LAMA2: variants seen among roughly 807,000 people sequenced by gnomAD.
LAMA2 encodes laminin subunit alpha-2.
LAMA2 carries 269 observed loss-of-function variants against 364.8 expected under a neutral mutation model. That is an observed-to-expected ratio of 0.74 (90% CI 0.67 to 0.82). LAMA2 has a LOEUF of 0.82. Among genes scored for constraint, LAMA2 ranks in the 40% least tolerant of loss-of-function variants. The pLI, the probability that LAMA2 is intolerant of heterozygous loss-of-function variation, is 0.00. For synonymous variants in LAMA2, 1,379 were observed against 1,370.6 expected (o/e 1.01, Z -0.14); for missense variants, 3,807 against 3,873.2 (o/e 0.98, Z 0.45).
chr6:129,186,994 A>G (rs1408448898), intron 10 of LAMA2, among the ~76,000 whole-genome samples: 1 of 151,996 alleles, frequency 6.6e-6, no homozygotes, highest in Non-Finnish European at 1.5e-5. Context: ...AGCAACGATA[A>G]GAAATAATGA....
intron 32 of LAMA2, among the ~76,000 whole-genome samples, chr6:129,359,595 G>T (rs1468024852): frequency 7.7e-6 from 1 of 129,928 alleles, no homozygotes; most frequent in Non-Finnish European, 1.7e-5. Flanking sequence ...TTCAGATCCA[G>T]GGAACCGTCA....
intron 10 of LAMA2, among the ~76,000 whole-genome samples, chr6:129,184,314 G>A (rs2115025380): frequency 6.6e-6 from 1 of 151,994 alleles, no homozygotes; most frequent in Middle Eastern, 3.4e-3. Flanking sequence ...TACAGATGTA[G>A]AATTTTTGGC....
intron 22 of LAMA2, among the ~76,000 whole-genome samples, chr6:129,305,516 G>A (rs1773811114): frequency 6.6e-6 from 1 of 151,922 alleles, no homozygotes; most frequent in Admixed American, 6.6e-5. Context: ...GTAGAAATGA[G>A]ATCTCACTAT....
intron 18 of LAMA2, among the ~76,000 whole-genome samples, chr6:129,283,189 T>G (rs988170261): frequency 6.6e-6 from 1 of 152,128 alleles, no homozygotes; most frequent in South Asian, 2.1e-4. Context: ...ATACCTTTGC[T>G]AAGATTCTAG....
At chr6:129,164,032 T>G (rs1479957988) in intron 8 of LAMA2, among the ~76,000 whole-genome samples, 2 of 152,194 alleles carry the variant, frequency 1.3e-5, no homozygotes, top group African/African-American at 4.8e-5. Context: ...AACTTCTTTT[T>G]TTAATAAGGT....
At chr6:129,486,723 C>A in intron 56 of LAMA2, 101 bp downstream of exon 56, 1 of 1,106,874 alleles carries the variant, frequency 9.0e-7, no homozygotes, top group Non-Finnish European at 1.4e-6. Context: ...TGTGTGTGGA[C>A]CTACTATGCA....
intron 1 of LAMA2, among the ~76,000 whole-genome samples, chr6:129,037,146 T>C (rs1786698430): frequency 6.6e-6 from 1 of 152,220 alleles, no homozygotes; most frequent in South Asian, 2.1e-4. Context: ...TGCAAACATC[T>C]CTGCTTGCAT....
At chr6:129,246,179 A>G (rs1005882378) in intron 12 of LAMA2, among the ~76,000 whole-genome samples, 1 of 152,196 alleles carries the variant, frequency 6.6e-6, no homozygotes. Flanking sequence ...CTTGAGTATC[A>G]GATTGGATAA....
At chr6:129,465,847 C>T (rs1390887961) in intron 51 of LAMA2, among the ~76,000 whole-genome samples, 1 of 151,896 alleles carries the variant, frequency 6.6e-6, no homozygotes, top group Non-Finnish European at 1.5e-5. Context: ...GTAAAATATA[C>T]ACTCAAACTT....
chr6:129,039,608 A>T (rs6937415), intron 1 of LAMA2, among the ~76,000 whole-genome samples: 50,400 of 152,124 alleles, frequency 0.33, 9,759 homozygotes, highest in African/African-American at 0.54. Flanking sequence ...TAGGAAGGGC[A>T]GTGGTGCTCA....
At chr6:129,147,753 AT>A (rs1182954349) in intron 6 of LAMA2, among the ~76,000 whole-genome samples, 6 of 151,938 alleles carry the variant, frequency 3.9e-5, no homozygotes, top group African/African-American at 1.4e-4. Context: ...CGGGCCACAG[AT>A]TTTTTTTCTC....
rs3749877 is a variant in LAMA2, at chr6:129,401,244, A to G, written c.5466A>G (p.Glu1822=). 0.47 allele frequency: 747,610 copies of G among 1,580,252 alleles called. 181,718 individuals carry two copies. The highest frequency in any genetic ancestry group is 0.62 in the African/African-American group (46,360 of 74,216). Residue 1822 remains glutamate, a synonymous_variant, in exon 38 of 65, where the codon GAA becomes GAG. Transcript: ENST00000421865. ...TACAGAAAAAGAAGGAGGCTGTTGA[A>G]AGCGGCAAACGACAAATTGAGAACA... ...TALEKKKEAV[E]SGKRQIENTL... is the part of the protein sequence containing the mutation.
intron 14 of LAMA2, among the ~76,000 whole-genome samples, chr6:129,255,361 G>A (rs1291092167): frequency 3.8e-5 from 5 of 130,394 alleles, no homozygotes; most frequent in Non-Finnish European, 4.6e-5. Flanking sequence ...AGCCGAGATC[G>A]CGCCATTGCA....
intron 1 of LAMA2, among the ~76,000 whole-genome samples, chr6:128,969,716 C>T (rs548124081): frequency 2.0e-5 from 3 of 151,908 alleles, no homozygotes; most frequent in Non-Finnish European, 4.4e-5. Flanking sequence ...CAGGCATGAG[C>T]CACCTGTGAA....
At chr6:129,358,602 T>C (rs1777289531) in intron 32 of LAMA2, among the ~76,000 whole-genome samples, 1 of 152,054 alleles carries the variant, frequency 6.6e-6, no homozygotes, top group African/African-American at 2.4e-5. Flanking sequence ...TGTTATGAAG[T>C]GGCTACAGAA....
intron 1 of LAMA2, among the ~76,000 whole-genome samples, chr6:128,984,624 A>G (rs1168526231): frequency 6.6e-6 from 1 of 151,058 alleles, no homozygotes; most frequent in Admixed American, 6.7e-5. Flanking sequence ...GGAAGAAACA[A>G]GGTTCTTTTG....
intron 29 of LAMA2, among the ~76,000 whole-genome samples, chr6:129,331,823 C>G (rs901328693): frequency 3.3e-5 from 5 of 152,252 alleles, no homozygotes; most frequent in Admixed American, 3.3e-4. Flanking sequence ...ACCTCCTCTT[C>G]TATACTGGAT....
intron 1 of LAMA2, among the ~76,000 whole-genome samples, chr6:128,933,387 G>GAT (rs1022602663): frequency 3.3e-5 from 5 of 152,132 alleles, no homozygotes; most frequent in Admixed American, 6.5e-5. Flanking sequence ...TGTGGATGCA[G>GAT]ATATCTCCTT....
At chr6:129,516,095 A>C in intron 64 of LAMA2, 95 bp from the exon 65 acceptor site, 1 of 1,364,596 alleles carries the variant, frequency 7.3e-7, no homozygotes, top group Non-Finnish European at 1.0e-6. Context: ...CAGCATTCCA[A>C]TTTAATCTCA....
Sources: gnomAD v4.1 joint callset for allele counts (sites outside exome capture counted in the v4.1 genomes callset) on GRCh38, gnomAD v4.1.1 for gene constraint, MANE v1.5 for transcripts, NCBI Gene and HGNC (gene_info 2026-07-23, HGNC 2026-07-21) for gene names.